Variants in LAMA2 observed in about 807,000 individuals in gnomAD.
LAMA2 encodes laminin subunit alpha 2.
Under a neutral mutation model 364.8 loss-of-function variants are expected in LAMA2, and 269 were observed. The ratio of observed to expected loss-of-function variants is 0.74; its 90% CI spans 0.67 to 0.82. The LOEUF is 0.82. Ranked by LOEUF, LAMA2 falls within the 40% of genes least tolerant of loss-of-function variation. LAMA2 has a pLI of 0.00. For synonymous variants in LAMA2, 1,379 were observed against 1,370.6 expected (o/e 1.01, Z -0.14); for missense variants, 3,807 against 3,873.2 (o/e 0.98, Z 0.45).
chr6:129,359,043 A>G (rs1583569910), intron 32 of LAMA2, among the ~76,000 whole-genome samples: 2 of 151,950 alleles, frequency 1.3e-5, no homozygotes, highest in African/African-American at 4.8e-5. Context: ...TACTTACCTC[A>G]TAGAATTGCT....
intron 4 of LAMA2, among the ~76,000 whole-genome samples, chr6:129,110,681 T>G (rs1776108520): frequency 6.6e-6 from 1 of 152,032 alleles, no homozygotes; most frequent in Admixed American, 6.6e-5. Flanking sequence ...AGGAACTGAT[T>G]TGAGGTCACA....
intron 58 of LAMA2, among the ~76,000 whole-genome samples, chr6:129,497,158 A>ATGAT (rs1172959835): frequency 6.6e-6 from 1 of 152,176 alleles, no homozygotes. Context: ...ATATGTAATG[A>ATGAT]TGATATATAC....
chr6:129,200,672 G>A (rs956785688), intron 12 of LAMA2, among the ~76,000 whole-genome samples: 1 of 151,964 alleles, frequency 6.6e-6, no homozygotes. Flanking sequence ...GATATAAAGA[G>A]TTAGGACTTA....
At chr6:129,484,848 G>C (rs1439532481) in intron 55 of LAMA2, among the ~76,000 whole-genome samples, 3 of 152,112 alleles carry the variant, frequency 2.0e-5, no homozygotes, top group Non-Finnish European at 4.4e-5. Context: ...CATAAGAGAT[G>C]CAATGGTATT....
At chr6:128,979,099 TTAGA>T (rs1782705858) in intron 1 of LAMA2, among the ~76,000 whole-genome samples, 1 of 152,212 alleles carries the variant, frequency 6.6e-6, no homozygotes, top group Non-Finnish European at 1.5e-5. Context: ...CTGTAAAGGC[TTAGA>T]TAGTAAGTAT....
At chr6:129,370,053 C>A in intron 34 of LAMA2, 63 bp downstream of exon 34, 2 of 1,321,192 alleles carry the variant, frequency 1.5e-6, no homozygotes, top group Non-Finnish European at 2.2e-6. Context: ...AGGAAAATTA[C>A]TTCAAAGTTC....
At chr6:129,193,007 C>A (rs1440494364) in intron 12 of LAMA2, among the ~76,000 whole-genome samples, 154 bp downstream of exon 12, 1 of 152,220 alleles carries the variant, frequency 6.6e-6, no homozygotes, top group Admixed American at 6.5e-5. Context: ...GGCGTTTCTT[C>A]CATGTTGCAC....
In LAMA2 at chr6:129,251,502, A is replaced by G. The variant is rs548498764; in HGVS notation, c.1885-582A>G. ...TAGCTATTATTTTAGTTAACAGGGA[A>G]CTAAGGTCATGCCAAACCAAGAAGC... On this transcript the variant is annotated intron_variant, in intron 13 of 64. Coordinates refer to ENST00000421865, the MANE Select transcript of LAMA2 (RefSeq NM_000426.4). Among the ~76,000 whole-genome samples, 115 of 152,318 alleles carry G rather than the reference A, an allele frequency of 7.5e-4. 3 individuals are homozygous for G. In the South Asian group the frequency reaches 0.023, roughly 31 times the overall value.
intron 7 of LAMA2, 103 bp downstream of exon 7, chr6:129,149,199 A>G: frequency 1.3e-6 from 1 of 780,904 alleles, no homozygotes; most frequent in African/African-American, 1.7e-5. Context: ...ATGTGTCAAC[A>G]AATACTCATT....
At chr6:129,364,875 A>G (rs536275863) in intron 32 of LAMA2, among the ~76,000 whole-genome samples, 1 of 152,340 alleles carries the variant, frequency 6.6e-6, no homozygotes, top group South Asian at 2.1e-4. Context: ...ACTTTCACTC[A>G]TGGCAGAAGG....
At chr6:129,275,985 A>G (rs1375706452) in intron 17 of LAMA2, among the ~76,000 whole-genome samples, 1 of 152,134 alleles carries the variant, frequency 6.6e-6, no homozygotes, top group South Asian at 2.1e-4. Context: ...TTAAAGAAAT[A>G]AGTGTTTGCT....
At chr6:129,011,499 T>A (rs1784765286) in intron 1 of LAMA2, among the ~76,000 whole-genome samples, 1 of 152,202 alleles carries the variant, frequency 6.6e-6, no homozygotes, top group African/African-American at 2.4e-5. Context: ...CTTTATGTTT[T>A]TTCAAGCATT....
chr6:129,456,297 T>C, intron 47 of LAMA2, 38 bp from the exon 48 acceptor site: 1 of 1,589,514 alleles, frequency 6.3e-7, no homozygotes, highest in Non-Finnish European at 8.6e-7. Context: ...TCATTTTCTG[T>C]ATGTTCCTCC....
chr6:129,483,831 A>C (rs1784471150), intron 55 of LAMA2, among the ~76,000 whole-genome samples: 1 of 152,210 alleles, frequency 6.6e-6, no homozygotes, highest in South Asian at 2.1e-4. Context: ...ACAGCATTTG[A>C]CAATAAGTGG....
At chr6:128,915,316 T>A (rs1778242183) in intron 1 of LAMA2, among the ~76,000 whole-genome samples, 1 of 152,238 alleles carries the variant, frequency 6.6e-6, no homozygotes, top group Admixed American at 6.5e-5. Context: ...ACATACGAAT[T>A]TTCTCTCTTT....
chr6:129,168,643 T>A (rs1779918989), intron 9 of LAMA2, among the ~76,000 whole-genome samples: 1 of 145,690 alleles, frequency 6.9e-6, no homozygotes, highest in Non-Finnish European at 1.5e-5. Flanking sequence ...GACTTGGCGA[T>A]GCGGGCTCTT....
intron 3 of LAMA2, among the ~76,000 whole-genome samples, chr6:129,069,452 T>G (rs1773159275): frequency 6.7e-6 from 1 of 148,466 alleles, no homozygotes; most frequent in Non-Finnish European, 1.5e-5. Flanking sequence ...TTAAAAACAA[T>G]TATATTATTT....
intron 3 of LAMA2, among the ~76,000 whole-genome samples, chr6:129,079,421 A>G (rs925464745): frequency 1.3e-5 from 2 of 152,066 alleles, no homozygotes; most frequent in African/African-American, 2.4e-5. Context: ...AGGAGGGACT[A>G]CTATAATTCT....
At chr6:129,477,160 T>C (rs562082073) in intron 53 of LAMA2, among the ~76,000 whole-genome samples, 113 of 152,346 alleles carry the variant, frequency 7.4e-4, no homozygotes, top group African/African-American at 2.7e-3. Flanking sequence ...CTATTCAAAA[T>C]AGTAGCCACA....
Sources: gnomAD v4.1 joint callset for allele counts (sites outside exome capture counted in the v4.1 genomes callset) on GRCh38, gnomAD v4.1.1 for gene constraint, MANE v1.5 for transcripts, NCBI Gene and HGNC (gene_info 2026-07-23, HGNC 2026-07-21) for gene names.